The following SH3RF3 variants were observed in gnomAD, a reference collection of about 807,000 sequenced individuals.
SH3RF3 encodes the protein SH3 domain containing ring finger 3.
SH3RF3 carries 29 observed loss-of-function variants against 66.3 expected under a neutral mutation model. The observed-to-expected ratio is 0.44, with a 90% CI of 0.33 to 0.60. The LOEUF (loss-of-function observed/expected upper bound fraction) is 0.60. Ranked by LOEUF, SH3RF3 falls within the 20% of genes least tolerant of loss-of-function variation. SH3RF3 has a pLI of 0.04. For synonymous variants in SH3RF3, 583 were observed against 532.0 expected, an observed-to-expected ratio of 1.10 and a Z score of -1.32; for missense variants, 1,194 against 1,190.9, an observed-to-expected ratio of 1.00 and a Z score of -0.04.
intron 1 of SH3RF3, among the ~76,000 whole-genome samples, chr2:109,298,331 T>C (rs1185539678): frequency 5.3e-5 from 8 of 152,060 alleles, no homozygotes; most frequent in African/African-American, 1.4e-4. Flanking sequence ...ATGTCTGTCA[T>C]CCTTGTCCCT....
At chr2:109,203,573 C>G (rs897200858) in intron 1 of SH3RF3, among the ~76,000 whole-genome samples, 4 of 152,172 alleles carry the variant, frequency 2.6e-5, no homozygotes, top group African/African-American at 9.7e-5. Flanking sequence ...CCATGTGGTT[C>G]GTCCAGCTCT....
At chr2:109,301,099 G>A (rs1681455823) in intron 1 of SH3RF3, among the ~76,000 whole-genome samples, 1 of 152,200 alleles carries the variant, frequency 6.6e-6, no homozygotes, top group South Asian at 2.1e-4. Context: ...AATAATCATT[G>A]CTATTTTAAT....
At chr2:109,223,646 C>G (rs1278588577) in intron 1 of SH3RF3, among the ~76,000 whole-genome samples, 10 of 152,134 alleles carry the variant, frequency 6.6e-5, no homozygotes, top group Non-Finnish European at 1.0e-4. Flanking sequence ...CTGGGTAGCC[C>G]TGCACCTCTC....
chr2:109,228,470 A>G (rs1032279387), intron 1 of SH3RF3, among the ~76,000 whole-genome samples: 15 of 152,218 alleles, frequency 9.9e-5, no homozygotes, highest in African/African-American at 3.4e-4. Flanking sequence ...TTGCCACACC[A>G]AGCAATTCTC....
chr2:109,482,297 A>T (rs1678855269), intron 8 of SH3RF3, among the ~76,000 whole-genome samples: 1 of 152,198 alleles, frequency 6.6e-6, no homozygotes, highest in Admixed American at 6.5e-5. Flanking sequence ...AATTATCATT[A>T]TATTTAGATA....
chr2:109,308,292 T>C (rs1681648276), intron 1 of SH3RF3, among the ~76,000 whole-genome samples: 1 of 123,750 alleles, frequency 8.1e-6, no homozygotes, highest in African/African-American at 4.1e-5. Flanking sequence ...CTTGTAAATT[T>C]GTTTGAGTTC....
intron 2 of SH3RF3, among the ~76,000 whole-genome samples, chr2:109,358,659 GT>G (rs527710840): frequency 1.3e-5 from 2 of 152,264 alleles, no homozygotes; most frequent in East Asian, 3.9e-4. Context: ...AGTTTTAAGA[GT>G]TTTTTGTGTA....
At chr2:109,267,401 G>A (rs1680521246) in intron 1 of SH3RF3, among the ~76,000 whole-genome samples, 1 of 152,162 alleles carries the variant, frequency 6.6e-6, no homozygotes, top group African/African-American at 2.4e-5. Context: ...GAGCTTGCCC[G>A]AAGAAAGAAA....
chr2:109,254,633 T>G (rs1314269705), intron 1 of SH3RF3, among the ~76,000 whole-genome samples: 1 of 152,178 alleles, frequency 6.6e-6, no homozygotes, highest in Admixed American at 6.5e-5. Context: ...GTCAAATAGT[T>G]TCTTTGTCTT....
intron 1 of SH3RF3, among the ~76,000 whole-genome samples, chr2:109,249,742 C>T (rs948430583): frequency 5.9e-5 from 9 of 151,718 alleles, no homozygotes; most frequent in East Asian, 1.9e-4. Flanking sequence ...CCGCAAGCTC[C>T]GCCTTCCAGG....
chr2:109,454,303 G>T (rs186389246), intron 8 of SH3RF3, among the ~76,000 whole-genome samples: 1 of 152,110 alleles, frequency 6.6e-6, no homozygotes, highest in African/African-American at 2.4e-5. Context: ...TTCAGAAAGC[G>T]CCTCAGCTGG....
chr2:109,348,544 G>A (rs1682768000), intron 2 of SH3RF3, among the ~76,000 whole-genome samples: 1 of 152,230 alleles, frequency 6.6e-6, no homozygotes. Context: ...GTGCAGAAGA[G>A]ACTGGTTCTG....
At chr2:109,283,085 T>C (rs2105347048) in intron 1 of SH3RF3, among the ~76,000 whole-genome samples, 1 of 152,320 alleles carries the variant, frequency 6.6e-6, no homozygotes, top group African/African-American at 2.4e-5. Flanking sequence ...GCCAGAGTCA[T>C]GGGCAGCAGC....
At chr2:109,155,109 A>T (rs568696191) in intron 1 of SH3RF3, among the ~76,000 whole-genome samples, 6 of 152,350 alleles carry the variant, frequency 3.9e-5, no homozygotes, top group African/African-American at 1.4e-4. Flanking sequence ...CATGAGCCAC[A>T]TAAAGGCATT....
chr2:109,382,964 T>C (rs1396513698), intron 3 of SH3RF3, among the ~76,000 whole-genome samples: 1 of 152,248 alleles, frequency 6.6e-6, no homozygotes, highest in Non-Finnish European at 1.5e-5. Context: ...TTCCTGAGTG[T>C]TCCAATCACA....
intron 1 of SH3RF3, among the ~76,000 whole-genome samples, chr2:109,231,797 A>G (rs1260572448): frequency 6.6e-6 from 1 of 152,146 alleles, no homozygotes; most frequent in Non-Finnish European, 1.5e-5. Context: ...TTCTCCTCTT[A>G]TTCATTTTTA....
chr2:109,419,964 G>A (rs1407481026), intron 5 of SH3RF3, among the ~76,000 whole-genome samples: 3 of 152,244 alleles, frequency 2.0e-5, no homozygotes, highest in Non-Finnish European at 2.9e-5. Flanking sequence ...GTCCGAGATT[G>A]AGGGGAGAGG....
intron 1 of SH3RF3, among the ~76,000 whole-genome samples, chr2:109,258,107 C>T (rs566983308): frequency 2.6e-5 from 4 of 152,166 alleles, no homozygotes; most frequent in Admixed American, 6.5e-5. Flanking sequence ...GGAGCTTAAC[C>T]GGCCCAGACA....
intron 1 of SH3RF3, chr2:109,251,343 A>G (rs1680087402): frequency 2.1e-5 from 11 of 533,608 alleles, no homozygotes; most frequent in South Asian, 1.9e-4. Context: ...GAGATGCAAG[A>G]CACCCGGCCT....
Sources: allele counts gnomAD v4.1 joint callset (sites outside exome capture counted in the v4.1 genomes callset), GRCh38; gene constraint gnomAD v4.1.1; transcripts MANE v1.5; gene names NCBI Gene and HGNC (gene_info 2026-07-23, HGNC 2026-07-21).